GLS: variants seen among roughly 807,000 people sequenced by gnomAD.
The protein encoded by GLS is glutaminase, also known as glutaminase kidney isoform, mitochondrial.
Under a neutral mutation model 86.7 loss-of-function variants are expected in GLS, and 36 were observed. The ratio of observed to expected loss-of-function variants is 0.42; its 90% CI spans 0.32 to 0.55. The LOEUF is 0.55. Ranked by LOEUF, GLS falls within the 20% of genes least tolerant of loss-of-function variation. GLS has a pLI of 0.17. For synonymous variants in GLS, 317 were observed against 305.9 expected (o/e 1.04, Z -0.38); for missense variants, 528 against 833.4 (o/e 0.63, Z 4.51).
At chr2:190,894,643 C>T (rs1391407066) in intron 1 of GLS, among the ~76,000 whole-genome samples, 1 of 152,132 alleles carries the variant, frequency 6.6e-6, no homozygotes, top group Non-Finnish European at 1.5e-5. Flanking sequence ...GTATTACAGC[C>T]AGGATTCAAG....
chr2:190,921,706 C>T lies in GLS; in HGVS notation c.1130+503C>T, dbSNP rs1210539252. On this transcript the variant is annotated intron_variant, in intron 9 of 17. Coordinates refer to ENST00000320717, the MANE Select transcript of GLS (RefSeq NM_014905.5). This position sits in a 1 kb window ranked among gnomAD's most constrained non-coding sequence, Gnocchi z 4.2. Reference sequence around the variant, plus strand: ...CCCTAAACCATTTCAAATTAAGTTGCAGGCATCATACTTCACCCTTAGATA... The same window carrying T: ...CCCTAAACCATTTCAAATTAAGTTGTAGGCATCATACTTCACCCTTAGATA... 1.3e-5 allele frequency among the ~76,000 whole-genome samples: 2 copies of T among 151,730 alleles called. No homozygotes were observed. The highest frequency in any genetic ancestry group is 2.4e-5 in the African/African-American group (1 of 41,328).
chr2:190,909,954 C>T (rs1354007243), intron 6 of GLS, among the ~76,000 whole-genome samples: 1 of 152,130 alleles, frequency 6.6e-6, no homozygotes, highest in Admixed American at 6.5e-5. Flanking sequence ...TGGAGGATCA[C>T]TTAAGCCTGG....
chr2:190,933,839 T>G, intron 14 of GLS: 1 of 762,214 alleles, frequency 1.3e-6, no homozygotes, highest in Non-Finnish European at 1.6e-6. Flanking sequence ...ATTTGAAGTT[T>G]TTTAGAGTAC....
At position 190,924,705 on chromosome 2, in the gene GLS, A is replaced by G; in HGVS notation, c.1248+112A>G. On this transcript the variant is annotated intron_variant, in intron 11 of 17. Transcript: ENST00000320717. This position sits in a 1 kb window ranked among gnomAD's most constrained non-coding sequence, Gnocchi z 5.2. ...GCCAGGGCAGGTGGATCATGAGGTC[A>G]AGAGATAGAGGTCATCCTGGCCAAC... is the stretch of plus-strand genomic sequence containing the variant. 1.5e-6 allele frequency: 1 copy of G among 674,490 alleles called. No individual in the cohort carries two copies. The highest frequency in any genetic ancestry group is 2.7e-6 in the Non-Finnish European group (1 of 364,838). The allele number at this position is 674,490 out of a possible 1,614,324, so 41.8% of individuals were successfully genotyped here.
At position 190,931,673 on chromosome 2, in the gene GLS, T is replaced by C. The variant is rs758319074; in HGVS notation, c.1650+36T>C. The C allele has an allele frequency of 4.0e-6, 4 of 994,330 alleles. No individual in the cohort carries two copies. In the South Asian group the frequency reaches 4.4e-5, roughly 11 times the overall value. The allele number at this position is 994,330 out of a possible 1,614,324, so 61.6% of individuals were successfully genotyped here. ...TTCTTATTTAGATAAGTATATAAAATTTTTAAGAAGAGAAAAAGTGAGATT... is the reference window on the plus strand; with the variant it reads ...TTCTTATTTAGATAAGTATATAAAACTTTTAAGAAGAGAAAAAGTGAGATT... On this transcript the variant is annotated intron_variant, in intron 14 of 17. Coordinates refer to ENST00000320717, the MANE Select transcript of GLS (RefSeq NM_014905.5).
chr2:190,900,160 G>A (rs570961988), intron 3 of GLS, among the ~76,000 whole-genome samples: 5 of 152,268 alleles, frequency 3.3e-5, no homozygotes, highest in African/African-American at 1.2e-4. Context: ...AGAACTAAGA[G>A]ATGTATTTCT....
At position 190,924,531 on chromosome 2, in the gene GLS, T is replaced by C. The variant is rs199769805; in HGVS notation, c.1198-12T>C. 3.9e-6 allele frequency: 6 copies of C among 1,528,864 alleles called. No individual in the cohort carries two copies. In the African/African-American group the frequency reaches 5.4e-5, roughly 14 times the overall value. 94.7% of individuals were successfully genotyped at this position (1,528,864 alleles called of 1,614,324 possible). A position where few individuals can be genotyped will look rare whatever the true frequency, so the allele number is the denominator to read the frequency against. ...GTGCCTGAATTTTTAATTGCCTTTC[T>C]GGTTTTTTTAGTGTTTTCCAGAAGG... On this transcript the variant is annotated splice_polypyrimidine_tract_variant and intron_variant, in intron 10 of 17. Transcript: ENST00000320717. The surrounding 1 kb of genome is among the most constrained non-coding windows in gnomAD (Gnocchi z 5.2).
In GLS at chr2:190,927,500, CT is replaced by C; in HGVS notation, c.1425+20del. On this transcript the variant is annotated intron_variant, in intron 12 of 17. Transcript: ENST00000320717. ...CTTTCCATGTAAGTAATTGTTTAAT[CT>C]TATTTTCTCTGGCAAGAAACTAGTC... The C allele has an allele frequency of 6.4e-7, 1 of 1,563,468 alleles. No individual in the cohort carries two copies. Among genetic ancestry groups the C allele is most frequent in the Non-Finnish European group, 8.7e-7 (1 of 1,145,812 alleles).
chr2:190,961,790 G>T (rs908153595), intron 17 of GLS, among the ~76,000 whole-genome samples: 1 of 147,854 alleles, frequency 6.8e-6, no homozygotes, highest in Non-Finnish European at 1.5e-5. Context: ...ATTAAAAAAT[G>T]AGACTGTTTT....
At chr2:190,894,120 T>C (rs887596736) in intron 1 of GLS, among the ~76,000 whole-genome samples, 3 of 152,218 alleles carry the variant, frequency 2.0e-5, no homozygotes, top group Non-Finnish European at 4.4e-5. Flanking sequence ...ATAGTCTTTA[T>C]GATTTGTAGA....
chr2:190,890,371 C>G (rs1434278875), intron 1 of GLS, among the ~76,000 whole-genome samples: 5 of 151,944 alleles, frequency 3.3e-5, no homozygotes, highest in African/African-American at 1.2e-4. Context: ...TATCTGTACA[C>G]TGGGGACAAT....
intron 9 of GLS, among the ~76,000 whole-genome samples, chr2:190,922,038 T>G (rs781050083): frequency 6.6e-6 from 1 of 152,118 alleles, no homozygotes; most frequent in Non-Finnish European, 1.5e-5. Flanking sequence ...GCAGGCTGCT[T>G]GTTTTATAGA....
chr2:190,921,747 T>G lies in GLS; in HGVS notation c.1130+544T>G, dbSNP rs1252476076. Among the ~76,000 whole-genome samples, 1 of 151,896 alleles carries G rather than the reference T, an allele frequency of 6.6e-6. No homozygotes were observed. Among genetic ancestry groups the G allele is most frequent in the East Asian group, 1.9e-4 (1 of 5,198 alleles). ...CCCTTAGATAAGAAAGCACATACAG[T>G]CTAAGAATAAGGACATTCTCCTACA... On this transcript the variant is annotated intron_variant, in intron 9 of 17. Coordinates refer to ENST00000320717, the MANE Select transcript of GLS (RefSeq NM_014905.5). The surrounding 1 kb of genome is among the most constrained non-coding windows in gnomAD (Gnocchi z 4.2).
At chr2:190,888,672 C>T (rs1688466857) in intron 1 of GLS, among the ~76,000 whole-genome samples, 1 of 152,146 alleles carries the variant, frequency 6.6e-6, no homozygotes, top group Admixed American at 6.5e-5. Flanking sequence ...GAGGTCCCTG[C>T]TGTAGTTTGC....
In GLS at chr2:190,962,803, C is replaced by G; in HGVS notation, c.1854-27C>G. The stretch of plus-strand genomic sequence containing the variant: ...CTTTGTACATAAATTACCTAATGAC[C>G]CTGTCCATGCTGTGCTACGTGTTTA... On this transcript the variant is annotated intron_variant, in intron 17 of 17. Transcript: ENST00000320717. The surrounding 1 kb of genome is among the most constrained non-coding windows in gnomAD (Gnocchi z 4.2). 7.3e-7 allele frequency: 1 copy of G among 1,372,422 alleles called. No homozygotes were observed. 85.0% of individuals were successfully genotyped at this position (1,372,422 alleles called of 1,614,324 possible).
chr2:190,898,441 A>T (rs1574569936), intron 3 of GLS, among the ~76,000 whole-genome samples: 1 of 152,170 alleles, frequency 6.6e-6, no homozygotes, highest in East Asian at 1.9e-4. Context: ...TCTATATTAA[A>T]ATAACTCCCA....
In GLS at chr2:190,933,484, CT is replaced by C. The variant is rs1201107040; in HGVS notation, c.1650+1854del. 5.9e-5 allele frequency: 52 copies of C among 884,994 alleles called. No homozygotes were observed. The South Asian group carries it at 2.3e-3, about 40-fold the overall frequency. 54.8% of individuals were successfully genotyped at this position (884,994 alleles called of 1,614,324 possible). A position where few individuals can be genotyped will look rare whatever the true frequency, so the allele number is the denominator to read the frequency against. On this transcript the variant is annotated intron_variant, in intron 14 of 17. Transcript: ENST00000320717. ...CAAATGCTTTAAAATATGACTCCTA[CT>C]TTTTTTATTTTGCAACTCCTCTGTT...
At chr2:190,906,926 T>C (rs1689161202) in intron 6 of GLS, among the ~76,000 whole-genome samples, 1 of 151,616 alleles carries the variant, frequency 6.6e-6, no homozygotes, top group Admixed American at 6.6e-5. Flanking sequence ...AGAGAAATTG[T>C]AGTAGTTTTT....
Position 190,914,892 on chromosome 2 carries a change from T to G in GLS, c.1038+4571T>G, listed in dbSNP as rs1490434247. 6.6e-6 allele frequency among the ~76,000 whole-genome samples: 1 copy of G among 152,196 alleles called. No homozygotes were observed. The highest frequency in any genetic ancestry group is 2.4e-5 in the African/African-American group (1 of 41,446). ...AAAACTATAAAACATTGCAATATAG[T>G]TACATTAATTTTTTAATAGATAATG... On this transcript the variant is annotated intron_variant, in intron 7 of 17. Transcript: ENST00000320717. This position sits in a 1 kb window ranked among gnomAD's most constrained non-coding sequence, Gnocchi z 4.4.
Sources: gnomAD v4.1 joint callset for allele counts (sites outside exome capture counted in the v4.1 genomes callset) on GRCh38, gnomAD v4.1.1 for gene constraint, Gnocchi (gnomAD v3.1) non-coding constraint, MANE v1.5 for transcripts, NCBI Gene and HGNC (gene_info 2026-07-23, HGNC 2026-07-21) for gene names.